GABRA1: variants seen among roughly 807,000 people sequenced by gnomAD.
GABRA1 encodes gamma-aminobutyric acid receptor subunit alpha-1.
In GABRA1, 9 loss-of-function variants were observed where a neutral mutation model predicts 48.9. That is an observed-to-expected ratio of 0.18 (90% CI 0.11 to 0.32). The LOEUF (loss-of-function observed/expected upper bound fraction) is 0.32, where lower values mean the gene tolerates loss of function less well. Among genes scored for constraint, GABRA1 ranks in the 10% least tolerant of loss-of-function variants. GABRA1 has a pLI of 1.00. For missense variants in GABRA1, 285 were observed against 553.8 expected (o/e 0.51, Z 4.87); for synonymous variants, 210 against 198.7 (o/e 1.06, Z -0.48).
In GABRA1 at chr5:161,885,817, C is replaced by T. The variant is rs192563258; in HGVS notation, c.703+3116C>T. ...GAAATAGGCAAACGGGAAAGATGAT[C>T]CAGTTAGTTTTCAAATCCAATATGT... On this transcript the variant is annotated intron_variant, in intron 7 of 9. Transcript: ENST00000393943. Among the ~76,000 whole-genome samples the T allele has an allele frequency of 2.7e-4, 41 of 152,178 alleles. No homozygotes were observed. The East Asian group carries it at 7.9e-3, about 29-fold the overall frequency.
intron 6 of GABRA1, among the ~76,000 whole-genome samples, chr5:161,878,165 C>A (rs1185423310): frequency 6.6e-6 from 1 of 152,190 alleles, no homozygotes; most frequent in African/African-American, 2.4e-5. Context: ...TTACAAGACT[C>A]AGGCTTTAAA....
chr5:161,890,868 C>T, intron 7 of GABRA1, 30 bp from the exon 8 acceptor site: 1 of 1,607,684 alleles, frequency 6.2e-7, no homozygotes, highest in Non-Finnish European at 8.5e-7. Flanking sequence ...AGTCAAATTG[C>T]TCATCTTTCT....
intron 8 of GABRA1, among the ~76,000 whole-genome samples, chr5:161,891,829 A>G (rs1755104160): frequency 6.6e-6 from 1 of 152,128 alleles, no homozygotes; most frequent in Non-Finnish European, 1.5e-5. Context: ...ACAAATCACC[A>G]CTCTCGTTAT....
rs564871157 is a variant in GABRA1, at chr5:161,891,061, A to G, written c.856+11A>G. 16 of 1,612,984 alleles carry G rather than the reference A, an allele frequency of 9.9e-6. No individual in the cohort carries two copies. In the African/African-American group the frequency reaches 1.1e-4, roughly 11 times the overall value. On this transcript the variant is annotated intron_variant, in intron 8 of 9. Coordinates refer to ENST00000393943, the MANE Select transcript of GABRA1 (RefSeq NM_001127644.2). ...CAAGAACTGTCTTTGGTAAGTCCCA[A>G]TCAAGATACATACGCAAGGAAGGGT...
intron 8 of GABRA1, among the ~76,000 whole-genome samples, chr5:161,892,961 G>A (rs908809831): frequency 3.3e-5 from 5 of 149,370 alleles, no homozygotes; most frequent in Non-Finnish European, 7.4e-5. Context: ...CCAAGATCGT[G>A]CCACTGCACT....
intron 5 of GABRA1, among the ~76,000 whole-genome samples, chr5:161,873,779 A>G (rs1213297459): frequency 6.6e-6 from 1 of 152,178 alleles, no homozygotes; most frequent in East Asian, 1.9e-4. Context: ...TATTTTAAGA[A>G]GTATTTGAAT....
intron 6 of GABRA1, among the ~76,000 whole-genome samples, chr5:161,876,634 T>A (rs1754366781): frequency 1.3e-5 from 2 of 152,188 alleles, no homozygotes; most frequent in Non-Finnish European, 2.9e-5. Flanking sequence ...CATTTTGTAC[T>A]GAAACTCGAA....
chr5:161,856,967 T>A (rs1355261321), intron 3 of GABRA1, among the ~76,000 whole-genome samples: 1 of 151,302 alleles, frequency 6.6e-6, no homozygotes, highest in Non-Finnish European at 1.5e-5. Context: ...ATTTTATTCA[T>A]CTACCATGAA....
rs539475780 is a variant in GABRA1 at position 161,897,829 on chromosome 5, C to T, written c.*407C>T. ...AAAATATTTTTATGTGAAGGTGTTT[C>T]AAAGGGTAAATTATAAATGTTTCAT... On this transcript the variant is annotated 3_prime_UTR_variant, in exon 10 of 10. Coordinates refer to ENST00000393943, the MANE Select transcript of GABRA1 (RefSeq NM_001127644.2). 1 of 160,450 alleles carries T rather than the reference C, an allele frequency of 6.2e-6. No individual in the cohort carries two copies. The highest frequency in any genetic ancestry group is 6.2e-5 in the Admixed American group (1 of 16,096). 9.9% of individuals were successfully genotyped at this position (160,450 alleles called of 1,614,324 possible).
chr5:161,848,794 A>AG (rs1757320409), intron 1 of GABRA1: 1 of 300,498 alleles, frequency 3.3e-6, no homozygotes, highest in Admixed American at 4.6e-5. Flanking sequence ...TTTATTTGCA[A>AG]GGGGGAGCTG....
Position 161,898,948 on chromosome 5 carries a change from A to G in GABRA1, c.*1526A>G, listed in dbSNP as rs540638714. 4 of 152,740 alleles carry G rather than the reference A, an allele frequency of 2.6e-5. No individual in the cohort carries two copies. The East Asian group carries it at 7.7e-4, about 29-fold the overall frequency. 9.5% of individuals were successfully genotyped at this position (152,740 alleles called of 1,614,324 possible). A position where few individuals can be genotyped will look rare whatever the true frequency, so the allele number is the denominator to read the frequency against. On this transcript the variant is annotated 3_prime_UTR_variant, in exon 10 of 10. Transcript: ENST00000393943. ...ATACTATGTAAGGGCTTTAAATAAA[A>G]GAGGTCCATTAATACTTCCTTATAA... is the stretch of plus-strand genomic sequence containing the variant.
At chr5:161,874,386 T>C (rs1754255862) in intron 5 of GABRA1, among the ~76,000 whole-genome samples, 1 of 152,186 alleles carries the variant, frequency 6.6e-6, no homozygotes, top group African/African-American at 2.4e-5. Context: ...TGGACACATG[T>C]GTTGAGAACT....
intron 3 of GABRA1, among the ~76,000 whole-genome samples, chr5:161,859,772 G>T (rs1185379484): frequency 6.6e-6 from 1 of 151,830 alleles, no homozygotes; most frequent in South Asian, 2.1e-4. Flanking sequence ...AATAGGACAA[G>T]ATAATTTCAG....
intron 7 of GABRA1, among the ~76,000 whole-genome samples, chr5:161,886,190 C>G (rs763003940): frequency 3.3e-5 from 5 of 152,064 alleles, no homozygotes; most frequent in Admixed American, 2.6e-4. Flanking sequence ...TATGTACTCT[C>G]AACTACATGT....
chr5:161,871,532 A>T (rs538330793), intron 4 of GABRA1, among the ~76,000 whole-genome samples: 80 of 152,332 alleles, frequency 5.3e-4, no homozygotes, highest in African/African-American at 1.8e-3. Flanking sequence ...GGCACATTGT[A>T]TCACTTGCTG....
intron 4 of GABRA1, among the ~76,000 whole-genome samples, chr5:161,869,915 G>T (rs1754034093): frequency 6.6e-6 from 1 of 152,054 alleles, no homozygotes. Flanking sequence ...ACTTTCCTTA[G>T]ATTTCCTTTC....
At chr5:161,885,949 C>T (rs1754826090) in intron 7 of GABRA1, among the ~76,000 whole-genome samples, 1 of 152,122 alleles carries the variant, frequency 6.6e-6, no homozygotes, top group African/African-American at 2.4e-5. Context: ...GCACAAAACC[C>T]CTGCCCTTCA....
At position 161,891,147 on chromosome 5, in the gene GABRA1, C is replaced by A. The variant is rs993513939; in HGVS notation, c.856+97C>A. The stretch of plus-strand genomic sequence containing the variant: ...AAAGAGAAATAAAAAAAAATATACA[C>A]TCAAATATTAAGTTCATATAACAGA... On this transcript the variant is annotated intron_variant, in intron 8 of 9. Coordinates refer to ENST00000393943, the MANE Select transcript of GABRA1 (RefSeq NM_001127644.2). 7 of 1,130,284 alleles carry A rather than the reference C, an allele frequency of 6.2e-6. No homozygotes were observed. In the South Asian group the frequency reaches 6.3e-5, roughly 10 times the overall value. 70.0% of individuals were successfully genotyped at this position (1,130,284 alleles called of 1,614,324 possible). A position where few individuals can be genotyped will look rare whatever the true frequency, so the allele number is the denominator to read the frequency against.
intron 7 of GABRA1, among the ~76,000 whole-genome samples, chr5:161,886,488 G>A (rs546674543): frequency 6.6e-6 from 1 of 152,104 alleles, no homozygotes; most frequent in African/African-American, 2.4e-5. Flanking sequence ...AATAAGAGTA[G>A]GCCTGGGTGC....
Sources: gnomAD v4.1 joint callset for allele counts (sites outside exome capture counted in the v4.1 genomes callset) on GRCh38, gnomAD v4.1.1 for gene constraint, MANE v1.5 for transcripts, NCBI Gene and HGNC (gene_info 2026-07-23, HGNC 2026-07-21) for gene names.